The following ZNF131 variants were observed in gnomAD, a reference collection of about 807,000 sequenced individuals.
ZNF131 encodes zinc finger and BTB domain containing 35, also known as zinc finger protein 131.
In ZNF131, 7 loss-of-function variants were observed where a neutral mutation model predicts 60.0. The ratio of observed to expected loss-of-function variants is 0.12; its 90% CI spans 0.07 to 0.22. The LOEUF (loss-of-function observed/expected upper bound fraction) is 0.22, where lower values mean the gene tolerates loss of function less well. Among genes scored for constraint, ZNF131 ranks in the 10% least tolerant of loss-of-function variants. The pLI is 1.00. For synonymous variants in ZNF131, 257 were observed against 253.2 expected (o/e 1.01, Z -0.14); for missense variants, 493 against 740.9 (o/e 0.67, Z 3.88).
Position 43,161,372 on chromosome 5 carries a change from T to C in ZNF131, c.495T>C (p.Pro165=). ...TESLPSAESE[P]VEIEVEIAEG... ...CATTGCCATCTGCAGAATCAGAACC[T>C]GTTGAAATTGAGGTAGAGATTGCCG... Residue 165 remains proline, a synonymous_variant, in exon 5 of 7, where the codon CCT becomes CCC. Transcript: ENST00000682664. The C allele has an allele frequency of 6.2e-7, 1 of 1,614,226 alleles. No individual in the cohort carries two copies. The highest frequency in any genetic ancestry group is 8.5e-7 in the Non-Finnish European group (1 of 1,180,042).
intron 5 of ZNF131, chr5:43,168,010 G>A (rs1461509949): frequency 2.2e-6 from 1 of 447,876 alleles, no homozygotes; most frequent in Non-Finnish European, 4.5e-6. Flanking sequence ...GAGTCCTGAG[G>A]CCATGCAGGG....
chr5:43,158,301 G>GT (rs916512961), intron 4 of ZNF131, among the ~76,000 whole-genome samples: 7 of 143,594 alleles, frequency 4.9e-5, no homozygotes, highest in African/African-American at 1.6e-4. Flanking sequence ...TTTTGTTTTT[G>GT]TTTTTTTGAG....
intron 3 of ZNF131, among the ~76,000 whole-genome samples, chr5:43,126,446 T>TG (rs1744562514): frequency 6.6e-6 from 1 of 152,140 alleles, no homozygotes; most frequent in African/African-American, 2.4e-5. Flanking sequence ...TCTGCCGCCT[T>TG]GGGTCAGTTC....
At position 43,121,858 on chromosome 5, in the gene ZNF131, C is replaced by G. The variant is rs1056010167; in HGVS notation, c.-15-181C>G. The G allele has an allele frequency of 1.6e-4, 86 of 549,520 alleles. No homozygotes were observed. In the African/African-American group the frequency reaches 1.6e-3, roughly 10 times the overall value. The allele number at this position is 549,520 out of a possible 1,614,324, so 34.0% of individuals were successfully genotyped here. On this transcript the variant is annotated intron_variant, in intron 1 of 6. Transcript: ENST00000682664. ...GGCTCGGAGTCCCGCGGCCGCGGCT[C>G]CGGTCTCAACGCTCCGGGGCCGCTC...
At chr5:43,173,166 A>C in intron 5 of ZNF131, 152 bp from the exon 6 acceptor site, 1 of 788,706 alleles carries the variant, frequency 1.3e-6, no homozygotes, top group Non-Finnish European at 1.9e-6. Flanking sequence ...AAGTCTTTGG[A>C]ATATGGTGAA....
chr5:43,173,455 G>C lies in ZNF131; in HGVS notation c.1185+7G>C, dbSNP rs1022968701. On this transcript the variant is annotated splice_region_variant and intron_variant, in intron 6 of 6. Coordinates refer to ENST00000682664, the MANE Select transcript of ZNF131 (RefSeq NM_001330707.2). The stretch of plus-strand genomic sequence containing the variant: ...GAAGCTCTACGAATGCCAGGTATGT[G>C]CAGATACATACATTCAGTTCTTAAC... The C allele has an allele frequency of 2.5e-6, 4 of 1,612,034 alleles. No individual in the cohort carries two copies. The South Asian group carries it at 4.4e-5, about 18-fold the overall frequency.
At chr5:43,144,237 C>CTTTTTTTTTTTTTTT (rs935655531) in intron 4 of ZNF131, among the ~76,000 whole-genome samples, 2 of 65,318 alleles carry the variant, frequency 3.1e-5, no homozygotes, top group Non-Finnish European at 5.4e-5. Flanking sequence ...TTCTTTCTTT[C>CTTTTTTTTTTTTTTT]TTTTTTTTTT....
At chr5:43,166,757 G>C in intron 5 of ZNF131, among the ~76,000 whole-genome samples, 1 of 151,404 alleles carries the variant, frequency 6.6e-6, no homozygotes, top group Non-Finnish European at 1.5e-5. Flanking sequence ...CCGGGTTCAA[G>C]CAGTTCTCTG....
chr5:43,163,863 AAT>A (rs1289535046), intron 5 of ZNF131, among the ~76,000 whole-genome samples: 32 of 152,190 alleles, frequency 2.1e-4, no homozygotes, highest in Admixed American at 2.0e-4. Context: ...AGTTTTTTAA[AAT>A]AGGTTTGTCA....
At chr5:43,171,584 T>C (rs531768486) in intron 5 of ZNF131, among the ~76,000 whole-genome samples, 1 of 152,272 alleles carries the variant, frequency 6.6e-6, no homozygotes, top group African/African-American at 2.4e-5. Context: ...ATTATTGACA[T>C]GCTCCCCTCT....
intron 5 of ZNF131, 93 bp downstream of exon 5, chr5:43,162,024 A>T: frequency 1.6e-6 from 2 of 1,215,056 alleles, no homozygotes; most frequent in Non-Finnish European, 2.3e-6. Context: ...GTGCCTCAGA[A>T]GCCATCTCAT....
chr5:43,160,916 G>A (rs183002361), intron 4 of ZNF131, among the ~76,000 whole-genome samples: 6 of 152,086 alleles, frequency 3.9e-5, no homozygotes, highest in Admixed American at 3.9e-4. Flanking sequence ...CCCAACCTCA[G>A]GTGATCCACC....
intron 5 of ZNF131, among the ~76,000 whole-genome samples, chr5:43,162,491 C>G (rs183942295): frequency 1.3e-3 from 197 of 151,266 alleles, no homozygotes; most frequent in Middle Eastern, 3.4e-3. Flanking sequence ...ACTCTGGAGG[C>G]TGAGGCAGGG....
At chr5:43,139,352 C>T (rs1274476816) in intron 4 of ZNF131, 43 bp downstream of exon 4, 1 of 1,490,974 alleles carries the variant, frequency 6.7e-7, no homozygotes, top group South Asian at 1.5e-5. Context: ...CATATTCAGT[C>T]ATGTTCATTC....
chr5:43,139,534 G>C (rs1424153903), intron 4 of ZNF131, among the ~76,000 whole-genome samples: 1 of 152,118 alleles, frequency 6.6e-6, no homozygotes, highest in East Asian at 1.9e-4. Context: ...TAGCATCTTT[G>C]GTATGTAATA....
chr5:43,154,818 A>G (rs1748763097), intron 4 of ZNF131, among the ~76,000 whole-genome samples: 1 of 152,208 alleles, frequency 6.6e-6, no homozygotes, highest in Non-Finnish European at 1.5e-5. Context: ...AATTCCGGCA[A>G]CAGCTGCTAT....
In ZNF131 at chr5:43,174,649, C is replaced by G; in HGVS notation, c.1388C>G (p.Thr463Ser). 6.2e-7 allele frequency: 1 copy of G among 1,614,212 alleles called. No individual in the cohort carries two copies. Among genetic ancestry groups the G allele is most frequent in the Non-Finnish European group, 8.5e-7 (1 of 1,180,042 alleles). The change falls in exon 7 of 7, where the codon ACT becomes AGT. Residue 463 changes from threonine to serine, a missense_variant. Physicochemically the swap from Thr to Ser is moderately conservative, Grantham distance 58 (BLOSUM62 1). Around this residue, in one of 7 missense-constraint regions of ZNF131, gnomAD observed 202 missense variants for 221.3 expected, o/e 0.91. Coordinates refer to ENST00000682664, the MANE Select transcript of ZNF131 (RefSeq NM_001330707.2). ...EVLSVETRVQ[T>S]EPVTSMTIIE... ...CTTTCAGTAGAAACACGTGTGCAAA[C>G]TGAACCTGTAACATCAATGACTATT...
At position 43,163,021 on chromosome 5, in the gene ZNF131, G is replaced by A. The variant is rs184827127; in HGVS notation, c.1054+1090G>A. ...GAGTCTCGCTCTGTTGCCCAGGCTG[G>A]AGTGCAGTGGCACGATCTTGGCTCA... On this transcript the variant is annotated intron_variant, in intron 5 of 6. Coordinates refer to ENST00000682664, the MANE Select transcript of ZNF131 (RefSeq NM_001330707.2). Among the ~76,000 whole-genome samples, 711 of 123,394 alleles carry A rather than the reference G, an allele frequency of 5.8e-3. 33 individuals carry two copies. The Admixed American group carries it at 0.068, about 12-fold the overall frequency. 81.0% of individuals were successfully genotyped at this position (123,394 alleles called of 152,430 possible). A position where few individuals can be genotyped will look rare whatever the true frequency, so the allele number is the denominator to read the frequency against.
At chr5:43,138,442 C>T (rs534829018) in intron 3 of ZNF131, among the ~76,000 whole-genome samples, 6 of 152,176 alleles carry the variant, frequency 3.9e-5, no homozygotes, top group East Asian at 3.9e-4. Flanking sequence ...CACTTGAGGT[C>T]GGGAGTTTGA....
Sources: gnomAD v4.1 joint callset for allele counts (sites outside exome capture counted in the v4.1 genomes callset) on GRCh38, gnomAD v4.1.1 for gene constraint, gnomAD v4.1.1 regional missense constraint, MANE v1.5 for transcripts, NCBI Gene and HGNC (gene_info 2026-07-23, HGNC 2026-07-21) for gene names.